Variants in GPHN observed in about 807,000 individuals in gnomAD.
The protein encoded by GPHN is gephyrin.
In GPHN, 17 loss-of-function variants were observed where a neutral mutation model predicts 95.5. The ratio of observed to expected loss-of-function variants is 0.18; its 90% confidence interval spans 0.12 to 0.27. The LOEUF is 0.27. Ranked by LOEUF, GPHN falls within the 10% of genes least tolerant of loss-of-function variation. The pLI is 1.00. For synonymous variants in GPHN, 320 were observed against 322.5 expected (o/e 0.99, Z 0.08); for missense variants, 660 against 978.1 (o/e 0.67, Z 4.34).
chr14:67,070,694 C>CAAAAA (rs34577444), intron 11 of GPHN, among the ~76,000 whole-genome samples: 5 of 64,406 alleles, frequency 7.8e-5, no homozygotes, highest in East Asian at 1.5e-3. Flanking sequence ...GACTTCATCT[C>CAAAAA]AAAAAAAAAA....
chr14:67,262,583 A>G, the GPHN span, among the ~76,000 whole-genome samples: 4 of 152,218 alleles, frequency 2.6e-5, no homozygotes, highest in East Asian at 7.7e-4. Context: ...GGAATAAAAC[A>G]TTGTCTTTAT....
chr14:67,127,013 G>A (rs1464956422), intron 17 of GPHN, among the ~76,000 whole-genome samples: 8 of 149,536 alleles, frequency 5.3e-5, no homozygotes, highest in Non-Finnish European at 7.4e-5. Flanking sequence ...ACCAAACACC[G>A]CATGTTCTCA....
chr14:67,013,718 T>C (rs1280976652), intron 9 of GPHN, among the ~76,000 whole-genome samples: 9 of 151,714 alleles, frequency 5.9e-5, no homozygotes, highest in African/African-American at 9.7e-5. Flanking sequence ...TTTCAATCAA[T>C]CTAAAATATG....
the GPHN span, among the ~76,000 whole-genome samples, chr14:67,660,564 G>A: frequency 6.6e-6 from 1 of 152,148 alleles, no homozygotes; most frequent in Non-Finnish European, 1.5e-5. Flanking sequence ...TAGGGGTCTG[G>A]CATCAGGGTT....
chr14:66,651,009 TCA>T (rs1451165316), intron 1 of GPHN, among the ~76,000 whole-genome samples: 2 of 152,146 alleles, frequency 1.3e-5, no homozygotes, highest in Non-Finnish European at 2.9e-5. Context: ...TGCCCTTAAC[TCA>T]CATCTGTTTG....
chr14:67,504,487 C>T, the GPHN span, among the ~76,000 whole-genome samples: 4 of 152,058 alleles, frequency 2.6e-5, no homozygotes, highest in African/African-American at 7.2e-5. Context: ...TATATATGTA[C>T]TGTAGCCTTG....
intron 1 of GPHN, among the ~76,000 whole-genome samples, chr14:66,672,018 G>C (rs2066327314): frequency 6.6e-6 from 1 of 152,046 alleles, no homozygotes; most frequent in Admixed American, 6.5e-5. Context: ...TAGCTAGTTT[G>C]ATAAGGTGGA....
At chr14:66,689,009 C>T (rs2067594059) in intron 2 of GPHN, among the ~76,000 whole-genome samples, 1 of 152,130 alleles carries the variant, frequency 6.6e-6, no homozygotes, top group Admixed American at 6.5e-5. Flanking sequence ...CACATGTATA[C>T]CTGTGTAACA....
chr14:67,521,053 A>G, the GPHN span, among the ~76,000 whole-genome samples: 1 of 152,334 alleles, frequency 6.6e-6, no homozygotes, highest in Admixed American at 6.5e-5. Flanking sequence ...GTTCTTGGCT[A>G]TGAGAGAAAG....
chr14:67,650,572 G>A, the GPHN span: 1 of 685,712 alleles, frequency 1.5e-6, no homozygotes, highest in Non-Finnish European at 2.5e-6. Context: ...TGAGGTGCAA[G>A]GGGCTTCCTA....
the GPHN span, among the ~76,000 whole-genome samples, chr14:67,244,274 T>G: frequency 6.6e-6 from 1 of 152,222 alleles, no homozygotes; most frequent in African/African-American, 2.4e-5. Flanking sequence ...TACCTATAAG[T>G]GGAATTGCTG....
At chr14:66,918,672 A>T (rs929158986) in intron 6 of GPHN, among the ~76,000 whole-genome samples, 1 of 152,040 alleles carries the variant, frequency 6.6e-6, no homozygotes, top group Non-Finnish European at 1.5e-5. Context: ...ACTGCAGTCT[A>T]ACATTGTTAG....
At chr14:67,025,591 G>C (rs2153627777) in intron 10 of GPHN, among the ~76,000 whole-genome samples, 1 of 152,264 alleles carries the variant, frequency 6.6e-6, no homozygotes, top group Middle Eastern at 3.4e-3. Context: ...TAATGAGCTA[G>C]TTTTTTATTG....
chr14:66,596,078 C>T (rs1478522686), intron 1 of GPHN, among the ~76,000 whole-genome samples: 1 of 152,044 alleles, frequency 6.6e-6, no homozygotes, highest in Admixed American at 6.5e-5. Context: ...CTTCTCTCCA[C>T]AGGCAGGTTG....
chr14:66,531,300 T>A (rs575246381), intron 1 of GPHN, among the ~76,000 whole-genome samples: 10 of 152,224 alleles, frequency 6.6e-5, no homozygotes, highest in Admixed American at 2.6e-4. Context: ...CAGGTGAGTT[T>A]GTGAAGTGTT....
intron 18 of GPHN, among the ~76,000 whole-genome samples, chr14:67,146,010 G>A (rs1425655853): frequency 2.0e-5 from 3 of 152,184 alleles, no homozygotes; most frequent in Admixed American, 2.0e-4. Flanking sequence ...GCTGGTCACT[G>A]GTCTGCACTG....
chr14:66,637,771 A>G (rs1235068621), intron 1 of GPHN, among the ~76,000 whole-genome samples: 1 of 152,164 alleles, frequency 6.6e-6, no homozygotes, highest in Admixed American at 6.5e-5. Context: ...GTTTAAATAC[A>G]GTGGGGAAAC....
At chr14:66,649,991 C>A (rs2064959658) in intron 1 of GPHN, among the ~76,000 whole-genome samples, 1 of 152,006 alleles carries the variant, frequency 6.6e-6, no homozygotes, top group South Asian at 2.1e-4. Flanking sequence ...CACCAGCTAA[C>A]CCTACCCAAA....
chr14:66,933,726 A>T (rs2066949025), intron 8 of GPHN, among the ~76,000 whole-genome samples: 1 of 152,188 alleles, frequency 6.6e-6, no homozygotes, highest in South Asian at 2.1e-4. Context: ...ATATGAGGAA[A>T]TTTTTATAAA....
Sources: allele counts gnomAD v4.1 joint callset (sites outside exome capture counted in the v4.1 genomes callset), GRCh38; gene constraint gnomAD v4.1.1; transcripts MANE v1.5; gene names NCBI Gene and HGNC (gene_info 2026-07-23, HGNC 2026-07-21).